ASPRV1: variants seen among roughly 807,000 people sequenced by gnomAD.
The protein encoded by ASPRV1 is retroviral-like aspartic protease 1.
ASPRV1 carries 7 observed loss-of-function variants against 11.0 expected under a neutral mutation model. The observed-to-expected ratio is 0.64, with a 90% CI of 0.36 to 1.20. The LOEUF is 1.20. ASPRV1 is among the 50% of genes most tolerant of loss of function. The probability of loss-of-function intolerance (pLI) is 0.02; values close to 1 mark genes in which losing one functional copy is unlikely to be tolerated. For missense variants in ASPRV1, 299 were observed against 320.0 expected, an observed-to-expected ratio of 0.93 and a Z score of 0.50; for synonymous variants, 136 against 138.4, an observed-to-expected ratio of 0.98 and a Z score of 0.12.
the ASPRV1 span, among the ~76,000 whole-genome samples, chr2:69,974,509 T>C: frequency 6.6e-6 from 1 of 152,244 alleles, no homozygotes; most frequent in Non-Finnish European, 1.5e-5. Context: ...AATCAGCTCA[T>C]AGGAACTGGT....
chr2:70,013,493 T>C, the ASPRV1 span, among the ~76,000 whole-genome samples: 1 of 152,236 alleles, frequency 6.6e-6, no homozygotes, highest in Non-Finnish European at 1.5e-5. Flanking sequence ...AGAATCCAAC[T>C]ATCTTCTATT....
the ASPRV1 span, among the ~76,000 whole-genome samples, chr2:70,078,027 C>T: frequency 5.9e-5 from 9 of 151,734 alleles, no homozygotes; most frequent in African/African-American, 1.5e-4. Context: ...ATTAGCCAGG[C>T]GTGGTGGCAC....
At chr2:70,001,816 T>C in the ASPRV1 span, among the ~76,000 whole-genome samples, 1 of 152,132 alleles carries the variant, frequency 6.6e-6, no homozygotes, top group African/African-American at 2.4e-5. Context: ...GAATTATATA[T>C]AATGGACACA....
chr2:70,054,425 A>C, the ASPRV1 span, among the ~76,000 whole-genome samples: 2 of 151,302 alleles, frequency 1.3e-5, no homozygotes, highest in African/African-American at 4.9e-5. Context: ...AATACACACA[A>C]AAAAATTAGC....
the ASPRV1 span, among the ~76,000 whole-genome samples, chr2:70,017,429 T>G: frequency 3.9e-5 from 6 of 152,092 alleles, no homozygotes; most frequent in African/African-American, 1.4e-4. Flanking sequence ...ACAGCTAACA[T>G]CATATTGAAT....
chr2:70,057,863 A>G, the ASPRV1 span, among the ~76,000 whole-genome samples: 1 of 147,302 alleles, frequency 6.8e-6, no homozygotes, highest in Non-Finnish European at 1.5e-5. Context: ...GCACAATCTC[A>G]GCTCACTGCA....
chr2:69,991,197 C>T, the ASPRV1 span, among the ~76,000 whole-genome samples: 1 of 152,182 alleles, frequency 6.6e-6, no homozygotes, highest in African/African-American at 2.4e-5. Context: ...GAGCTGCACC[C>T]CACACACGGG....
At chr2:69,938,162 A>G in the ASPRV1 span, 1 of 1,613,784 alleles carries the variant, frequency 6.2e-7, no homozygotes, top group Non-Finnish European at 8.5e-7. Flanking sequence ...GAGCAGCAGC[A>G]GTGTGAGCGA....
rs758311231 is a variant in ASPRV1 at position 69,961,305 on chromosome 2, A to G, written c.132T>C (p.His44=). Residue 44 remains histidine, a synonymous_variant, in exon 1 of 1, where the codon CAT becomes CAC. Coordinates refer to ENST00000320256, the MANE Select transcript of ASPRV1 (RefSeq NM_152792.4). The part of the protein sequence containing the change: ...HSFEVINDLN[H]WDHITKLRFL... ...ACCTTAGCTTGGTGATATGGTCCCA[A>G]TGGTTGAGGTCATTGATGACTTCAA... The G allele has an allele frequency of 4.3e-6, 7 of 1,613,984 alleles. No homozygotes were observed. The highest frequency in any genetic ancestry group is 1.3e-5 in the African/African-American group (1 of 74,900).
At chr2:69,983,469 G>A in the ASPRV1 span, among the ~76,000 whole-genome samples, 1 of 152,226 alleles carries the variant, frequency 6.6e-6, no homozygotes, top group Non-Finnish European at 1.5e-5. Context: ...CTCTCAGGGA[G>A]GGACCAGAAG....
At chr2:69,958,681 C>A (rs573005017), downstream of ASPRV1, among the ~76,000 whole-genome samples, 3 of 152,220 alleles carry the variant, frequency 2.0e-5, no homozygotes, top group African/African-American at 7.2e-5. Context: ...ATTGTTCCCT[C>A]GGGAGAGGGC....
chr2:70,037,326 A>G, the ASPRV1 span, among the ~76,000 whole-genome samples: 3 of 152,062 alleles, frequency 2.0e-5, no homozygotes, highest in South Asian at 2.1e-4. Flanking sequence ...TCAACTTCCT[A>G]AAGTGCTGGG....
At chr2:69,985,058 G>A in the ASPRV1 span, among the ~76,000 whole-genome samples, 2 of 152,034 alleles carry the variant, frequency 1.3e-5, no homozygotes, top group Non-Finnish European at 2.9e-5. Context: ...GGGTTTCACT[G>A]TGTTAGCCAG....
At chr2:70,001,136 C>T in the ASPRV1 span, among the ~76,000 whole-genome samples, 264 of 151,800 alleles carry the variant, frequency 1.7e-3, no homozygotes, top group Non-Finnish European at 1.6e-3. Flanking sequence ...TGTGCATACT[C>T]CTTGATCTAC....
the ASPRV1 span, among the ~76,000 whole-genome samples, chr2:70,061,388 C>T: frequency 7.3e-6 from 1 of 136,766 alleles, no homozygotes; most frequent in Non-Finnish European, 1.5e-5. Flanking sequence ...GAGTGAGACT[C>T]TGTCTCAAAA....
the ASPRV1 span, among the ~76,000 whole-genome samples, chr2:70,047,158 C>T: frequency 1.3e-5 from 2 of 152,148 alleles, no homozygotes; most frequent in Non-Finnish European, 2.9e-5. Flanking sequence ...TCCTGGGATA[C>T]AGCAGCAAAC....
chr2:69,977,838 G>A, the ASPRV1 span, among the ~76,000 whole-genome samples: 1,025 of 152,308 alleles, frequency 6.7e-3, 9 homozygotes, highest in African/African-American at 0.023. Context: ...CCAGAGGGGG[G>A]AGTGAAGAAA....
At chr2:69,944,350 A>G in the ASPRV1 span, among the ~76,000 whole-genome samples, 1 of 152,226 alleles carries the variant, frequency 6.6e-6, no homozygotes, top group African/African-American at 2.4e-5. Context: ...GTATGGGCCC[A>G]TGTCATAACG....
chr2:70,058,783 C>T, the ASPRV1 span, among the ~76,000 whole-genome samples: 2 of 151,360 alleles, frequency 1.3e-5, no homozygotes, highest in Admixed American at 1.3e-4. Flanking sequence ...GAACTCCTGA[C>T]CTCAGGTGAT....
Sources: allele counts gnomAD v4.1 joint callset (sites outside exome capture counted in the v4.1 genomes callset), GRCh38; gene constraint gnomAD v4.1.1; transcripts MANE v1.5; gene names NCBI Gene and HGNC (gene_info 2026-07-23, HGNC 2026-07-21).